The following ZDHHC9 variants were observed in gnomAD, a reference collection of about 807,000 sequenced individuals.
The protein encoded by ZDHHC9 is palmitoyltransferase ZDHHC9.
A neutral mutation model predicts 26.6 loss-of-function variants in ZDHHC9; 3 were observed. The ratio of observed to expected loss-of-function variants is 0.11; its 90% CI spans 0.05 to 0.29. The LOEUF (loss-of-function observed/expected upper bound fraction) is 0.29. Ranked by LOEUF, ZDHHC9 falls within the 10% of genes least tolerant of loss-of-function variation. ZDHHC9 has a pLI of 1.00. For synonymous variants in ZDHHC9, 111 were observed against 109.4 expected (o/e 1.01, Z -0.09); for missense variants, 146 against 296.4 (o/e 0.49, Z 3.73).
At chrX:129,806,623 A>G in intron 10 of ZDHHC9, 137 bp from the exon 11 acceptor site, 1 of 506,444 alleles carries the variant, frequency 2.0e-6, no homozygotes, top group East Asian at 3.7e-5. Context: ...CCAACACCAA[A>G]CTCAGAACCA....
At chrX:129,838,097 T>C (rs1030640939) in intron 3 of ZDHHC9, among the ~76,000 whole-genome samples, 2 of 112,297 alleles carry the variant, frequency 1.8e-5, no homozygotes, top group Non-Finnish European at 3.8e-5. Flanking sequence ...CTTAAATACC[T>C]CACCCTAAGA....
rs1927942590 is a variant in ZDHHC9 at position 129,823,659 on chromosome X, G to A, written c.487+20C>T. 2.8e-5 allele frequency: 34 copies of A among 1,209,772 alleles called. No individual in the cohort carries two copies. The highest frequency in any genetic ancestry group is 3.8e-5 in the Non-Finnish European group (34 of 894,847). ...CAACTCAGCCTTTTCCCTAGGCAAT[G>A]TCCCTGTAGTTTTACTCACCCACAC... On this transcript the variant is annotated intron_variant, in intron 5 of 10. Transcript: ENST00000357166.
At chrX:129,827,919 C>A (rs750244486) in intron 4 of ZDHHC9, among the ~76,000 whole-genome samples, 1 of 112,028 alleles carries the variant, frequency 8.9e-6, no homozygotes, top group Non-Finnish European at 1.9e-5. Flanking sequence ...CAGGTTCAAG[C>A]GATTCTCGTG....
intron 4 of ZDHHC9, among the ~76,000 whole-genome samples, chrX:129,825,989 C>T (rs746920821): frequency 7.9e-4 from 89 of 112,069 alleles, no homozygotes; most frequent in African/African-American, 2.6e-3. Context: ...AATTTGCATG[C>T]CTGCCCATCC....
At chrX:129,816,371 C>T (rs1927756845) in intron 5 of ZDHHC9, among the ~76,000 whole-genome samples, 1 of 110,141 alleles carries the variant, frequency 9.1e-6, no homozygotes, top group Middle Eastern at 4.7e-3. Context: ...TACTTAGGGA[C>T]GACTGTATTT....
At position 129,803,682 on chromosome X, in the gene ZDHHC9, G is replaced by C. The variant is rs188059127; in HGVS notation, c.*2688C>G. 13 of 111,337 alleles carry C rather than the reference G, an allele frequency of 1.2e-4. No individual in the cohort carries two copies. Among genetic ancestry groups the C allele is most frequent in the African/African-American group, 4.2e-4 (13 of 30,631 alleles). The allele number at this position is 111,337 out of a possible 1,213,427, so 9.2% of individuals were successfully genotyped here. ...GATGATCTCAGCTAGGGCCAGGAAG[G>C]CCTCAGAGCTGAATGGACATGAAGA... On this transcript the variant is annotated 3_prime_UTR_variant, in exon 11 of 11. Transcript: ENST00000357166.
chrX:129,806,608 A>G, intron 10 of ZDHHC9, 122 bp from the exon 11 acceptor site: 1 of 565,689 alleles, frequency 1.8e-6, no homozygotes. Context: ...ACAGATATGC[A>G]GCCACCAACA....
intron 2 of ZDHHC9, among the ~76,000 whole-genome samples, chrX:129,842,888 TG>T (rs1165969237): frequency 8.9e-6 from 1 of 112,033 alleles, no homozygotes; most frequent in Non-Finnish European, 1.9e-5. Context: ...GATGGCTGGT[TG>T]GGGGGTGGGG....
At chrX:129,827,877 C>T (rs1278483653) in intron 4 of ZDHHC9, among the ~76,000 whole-genome samples, 1 of 111,752 alleles carries the variant, frequency 8.9e-6, no homozygotes, top group Admixed American at 9.5e-5. Context: ...AGTGCAGTGG[C>T]GCAATCTAGG....
intron 3 of ZDHHC9, among the ~76,000 whole-genome samples, chrX:129,839,263 A>T (rs1167817135): frequency 9.6e-6 from 1 of 104,076 alleles, no homozygotes; most frequent in African/African-American, 3.6e-5. Context: ...TCACTCTGTC[A>T]TCCAGGCTAA....
chrX:129,805,005 A>G lies in ZDHHC9; in HGVS notation c.*1365T>C, dbSNP rs943770964. Reference sequence around the variant, plus strand: ...TCTGGTTTACACTCCCCCACCGCATAAGTCATCCAGACAGGACCCTGGCTT... The same window carrying G: ...TCTGGTTTACACTCCCCCACCGCATGAGTCATCCAGACAGGACCCTGGCTT... On this transcript the variant is annotated 3_prime_UTR_variant, in exon 11 of 11. Transcript: ENST00000357166. The G allele has an allele frequency of 8.9e-6, 1 of 112,229 alleles. No homozygotes were observed. Among genetic ancestry groups the G allele is most frequent in the African/African-American group, 3.3e-5 (1 of 30,744 alleles). 9.2% of individuals were successfully genotyped at this position (112,229 alleles called of 1,213,427 possible).
Position 129,806,099 on chromosome X carries a change from T to C in ZDHHC9, c.*271A>G. 1 of 358,915 alleles carries C rather than the reference T, an allele frequency of 2.8e-6. No individual in the cohort carries two copies. The highest frequency in any genetic ancestry group is 3.6e-5 in the South Asian group (1 of 27,562). 29.6% of individuals were successfully genotyped at this position (358,915 alleles called of 1,213,427 possible). On this transcript the variant is annotated 3_prime_UTR_variant, in exon 11 of 11. Coordinates refer to ENST00000357166, the MANE Select transcript of ZDHHC9 (RefSeq NM_016032.4). ...AGAGAGGGGGTCCAAGGGGACCCTG[T>C]GGCTGAGGCCATGGAGAACCAGTGC...
chrX:129,833,329 G>C (rs927604320), intron 3 of ZDHHC9, among the ~76,000 whole-genome samples: 1 of 112,033 alleles, frequency 8.9e-6, no homozygotes, highest in Non-Finnish European at 1.9e-5. Context: ...GTACTGACCA[G>C]CAGTAACCAT....
intron 10 of ZDHHC9, among the ~76,000 whole-genome samples, chrX:129,808,290 G>A (rs887989807): frequency 8.9e-6 from 1 of 112,027 alleles, no homozygotes; most frequent in African/African-American, 3.2e-5. Flanking sequence ...TATAAAGTTG[G>A]AGGACTCACA....
At position 129,803,826 on chromosome X, in the gene ZDHHC9, T is replaced by C. The variant is rs1300847025; in HGVS notation, c.*2544A>G. 9.1e-6 allele frequency: 1 copy of C among 109,932 alleles called. No individual in the cohort carries two copies. Among genetic ancestry groups the C allele is most frequent in the Non-Finnish European group, 1.9e-5 (1 of 52,547 alleles). 9.1% of individuals were successfully genotyped at this position (109,932 alleles called of 1,213,427 possible). On this transcript the variant is annotated 3_prime_UTR_variant, in exon 11 of 11. Coordinates refer to ENST00000357166, the MANE Select transcript of ZDHHC9 (RefSeq NM_016032.4). The stretch of plus-strand genomic sequence containing the variant: ...TGAGGAAGAAGGAGGAAGGGGAGAG[T>C]TGGAGACAGTGTCAGCCATTGAAAA...
intron 3 of ZDHHC9, among the ~76,000 whole-genome samples, chrX:129,839,986 A>G (rs926179844): frequency 9.0e-6 from 1 of 111,293 alleles, no homozygotes; most frequent in African/African-American, 3.3e-5. Flanking sequence ...GGGCGGGGGG[A>G]AGTCATCATG....
At chrX:129,840,357 C>T (rs1771613) in intron 3 of ZDHHC9, among the ~76,000 whole-genome samples, 12,885 of 110,650 alleles carry the variant, frequency 0.12, 1,313 homozygotes, top group East Asian at 0.41. Flanking sequence ...TTTGCACTTC[C>T]AAGAAGAAGC....
chrX:129,817,849 T>C (rs1927793042), intron 5 of ZDHHC9, among the ~76,000 whole-genome samples: 1 of 111,998 alleles, frequency 8.9e-6, no homozygotes, highest in Non-Finnish European at 1.9e-5. Flanking sequence ...TACCACATTT[T>C]GTTTAACCAT....
intron 3 of ZDHHC9, among the ~76,000 whole-genome samples, chrX:129,840,098 C>G (rs1033974237): frequency 6.3e-5 from 7 of 111,135 alleles, no homozygotes; most frequent in Non-Finnish European, 9.4e-5. Context: ...CTCAGTGGAA[C>G]AGATTCCAGT....
Sources: allele counts gnomAD v4.1 joint callset (sites outside exome capture counted in the v4.1 genomes callset), GRCh38; gene constraint gnomAD v4.1.1; transcripts MANE v1.5; gene names NCBI Gene and HGNC (gene_info 2026-07-23, HGNC 2026-07-21).